Variants in YPEL1 observed in about 807,000 individuals in gnomAD.
YPEL1 encodes the protein yippee like 1, also known as protein yippee-like 1.
A neutral mutation model predicts 17.3 loss-of-function variants in YPEL1; 7 were observed. That is an observed-to-expected ratio of 0.40 (90% CI 0.23 to 0.76). The LOEUF is 0.76. YPEL1 is among the 30% of genes least tolerant of loss of function. The probability of loss-of-function intolerance (pLI) is 0.35; values close to 1 mark genes in which losing one functional copy is unlikely to be tolerated. For missense variants in YPEL1, 91 were observed against 155.5 expected, an observed-to-expected ratio of 0.59 and a Z score of 2.21; for synonymous variants, 59 against 59.6, an observed-to-expected ratio of 0.99 and a Z score of 0.05.
At chr22:21,716,780 C>T (rs891106098) in intron 1 of YPEL1, among the ~76,000 whole-genome samples, 1 of 152,232 alleles carries the variant, frequency 6.6e-6, no homozygotes, top group Admixed American at 6.5e-5. Context: ...AACAATGCCC[C>T]ATGAGCAAGG....
At chr22:21,702,326 C>T (rs1325866281) in intron 4 of YPEL1, among the ~76,000 whole-genome samples, 1 of 152,154 alleles carries the variant, frequency 6.6e-6, no homozygotes, top group Non-Finnish European at 1.5e-5. Context: ...GCTGACTGAC[C>T]AGGGGAAGGG....
At chr22:21,723,945 G>C (rs1017169309) in intron 1 of YPEL1, among the ~76,000 whole-genome samples, 2 of 152,158 alleles carry the variant, frequency 1.3e-5, no homozygotes, top group African/African-American at 2.4e-5. Flanking sequence ...GGGATTACAG[G>C]TGTGAGCCAC....
chr22:21,723,484 C>T (rs1178122411), intron 1 of YPEL1, among the ~76,000 whole-genome samples: 1 of 152,148 alleles, frequency 6.6e-6, no homozygotes, highest in Non-Finnish European at 1.5e-5. Flanking sequence ...TCTCCTGCCT[C>T]AGCCTCCAGA....
In YPEL1 at chr22:21,709,196, C is replaced by CCCT. The variant is rs564465139; in HGVS notation, c.117+1429_117+1431dup. Among the ~76,000 whole-genome samples, 205 of 152,280 alleles carry CCCT rather than the reference C, an allele frequency of 1.3e-3. 1 individual carries two copies. In the South Asian group the frequency reaches 0.015, roughly 11 times the overall value. On this transcript the variant is annotated intron_variant, in intron 2 of 4. Coordinates refer to ENST00000339468, the MANE Select transcript of YPEL1 (RefSeq NM_013313.5). ...TCCACAAGGCCACAAGCTTCACTGC[C>CCCT]CCTACCCAGGGGCCCAGAGCAGCTC...
rs1031815826 is a variant in YPEL1, at chr22:21,732,177, C to T, written c.-165+3438G>A. On this transcript the variant is annotated intron_variant, in intron 1 of 4. Coordinates refer to ENST00000339468, the MANE Select transcript of YPEL1 (RefSeq NM_013313.5). ...GGTGTAACGTCCTGGCATTTGCTGGCGGAATCGATTTCACCCTCTTGACTT... is the reference window on the plus strand; with the variant it reads ...GGTGTAACGTCCTGGCATTTGCTGGTGGAATCGATTTCACCCTCTTGACTT... Among the ~76,000 whole-genome samples, 7 of 152,176 alleles carry T rather than the reference C, an allele frequency of 4.6e-5. No homozygotes were observed. The East Asian group carries it at 5.8e-4, about 13-fold the overall frequency.
chr22:21,730,896 C>T (rs879599253), intron 1 of YPEL1, among the ~76,000 whole-genome samples: 2 of 152,246 alleles, frequency 1.3e-5, no homozygotes, highest in Non-Finnish European at 2.9e-5. Context: ...CTCTCTCCTC[C>T]ATCTCTCCTC....
At chr22:21,701,254 G>A (rs762495003) in intron 4 of YPEL1, 36 bp from the exon 5 acceptor site, 19 of 1,557,386 alleles carry the variant, frequency 1.2e-5, no homozygotes, top group Non-Finnish European at 1.6e-5. Flanking sequence ...CAGGACAGAA[G>A]GTTTCACTTT....
intron 1 of YPEL1, among the ~76,000 whole-genome samples, 178 bp downstream of exon 1, chr22:21,735,437 C>T (rs941231880): frequency 6.6e-6 from 1 of 152,158 alleles, no homozygotes; most frequent in African/African-American, 2.4e-5. Flanking sequence ...GGAGTGAGCC[C>T]AATATCAACA....
At chr22:21,731,914 C>A (rs143928269) in intron 1 of YPEL1, among the ~76,000 whole-genome samples, 2 of 152,182 alleles carry the variant, frequency 1.3e-5, no homozygotes, top group South Asian at 4.1e-4. Context: ...CAGGGCCTTA[C>A]GGCAGGAGCA....
intron 1 of YPEL1, among the ~76,000 whole-genome samples, chr22:21,720,991 A>C (rs1256920684): frequency 6.6e-6 from 1 of 150,664 alleles, no homozygotes; most frequent in African/African-American, 2.4e-5. Flanking sequence ...TTGTATTTTT[A>C]GTAGAGATGG....
intron 2 of YPEL1, among the ~76,000 whole-genome samples, chr22:21,707,395 C>T (rs1036914299): frequency 6.6e-6 from 1 of 152,094 alleles, no homozygotes; most frequent in African/African-American, 2.4e-5. Flanking sequence ...CTAGCCTGGG[C>T]GACAAAGCAA....
At chr22:21,724,730 GCCA>G (rs2068317163) in intron 1 of YPEL1, among the ~76,000 whole-genome samples, 2 of 150,084 alleles carry the variant, frequency 1.3e-5, no homozygotes, top group Non-Finnish European at 3.0e-5. Flanking sequence ...ACAGGTGTGC[GCCA>G]CCACACTTGG....
chr22:21,702,475 A>T (rs1404882314), intron 4 of YPEL1, among the ~76,000 whole-genome samples: 1 of 152,064 alleles, frequency 6.6e-6, no homozygotes, highest in African/African-American at 2.4e-5. Context: ...GACCCGAAGA[A>T]CACCAGAGCC....
chr22:21,733,202 G>A (rs933153183), intron 1 of YPEL1, among the ~76,000 whole-genome samples: 5 of 152,132 alleles, frequency 3.3e-5, no homozygotes, highest in South Asian at 2.1e-4. Context: ...CAGATCATCT[G>A]AGGTCAAGAG....
intron 1 of YPEL1, among the ~76,000 whole-genome samples, chr22:21,731,464 CTACTT>C (rs950393159): frequency 6.7e-6 from 1 of 149,780 alleles, no homozygotes; most frequent in Non-Finnish European, 1.5e-5. Flanking sequence ...ATCTTAAAAA[CTACTT>C]TATTTACCCT....
Position 21,703,609 on chromosome 22 carries a change from G to T in YPEL1, c.162-131C>A. On this transcript the variant is annotated intron_variant, in intron 3 of 4. Coordinates refer to ENST00000339468, the MANE Select transcript of YPEL1 (RefSeq NM_013313.5). The surrounding 1 kb of genome is among the most constrained non-coding windows in gnomAD (Gnocchi z 6.1). ...AGGGAAACTCCCAGAGAGCAGTGCCGTGCCTCTCCCCCAGCCCTGCCCGCC... is the reference window on the plus strand; with the variant it reads ...AGGGAAACTCCCAGAGAGCAGTGCCTTGCCTCTCCCCCAGCCCTGCCCGCC... 2 of 884,026 alleles carry T rather than the reference G, an allele frequency of 2.3e-6. No homozygotes were observed. Among genetic ancestry groups the T allele is most frequent in the East Asian group, 2.6e-5 (1 of 38,080 alleles). The allele number at this position is 884,026 out of a possible 1,614,324, so 54.8% of individuals were successfully genotyped here.
In YPEL1 at chr22:21,703,843, A is replaced by C. The variant is rs1423092123; in HGVS notation, c.157T>G (p.Ser53Ala). The change falls in exon 3 of 5, where the codon TCC becomes GCC. Residue 53 changes from serine to alanine, a missense_variant. Coordinates refer to ENST00000339468, the MANE Select transcript of YPEL1 (RefSeq NM_013313.5). This position sits in a 1 kb window ranked among gnomAD's most constrained non-coding sequence, Gnocchi z 6.1. The part of the protein sequence containing the change: ...GSQGRAYLFN[S>A]VVNVGCGPAE... ...GGGCTGAACCAGGGTACTCACACGGAATTGAAGAGGTAGGCGCGTCCCTGG... is the reference window on the plus strand; with the variant it reads ...GGGCTGAACCAGGGTACTCACACGGCATTGAAGAGGTAGGCGCGTCCCTGG... The C allele has an allele frequency of 7.5e-6, 12 of 1,609,548 alleles. No individual in the cohort carries two copies. In the Admixed American group the frequency reaches 1.7e-4, roughly 23 times the overall value.
chr22:21,698,628 T>C lies in YPEL1; in HGVS notation c.*2501A>G, dbSNP rs2068027654. ...AAGGGAAGGGTCAGTTTAAGATAAG[T>C]TTTCAGTGAACTCCTTCTTCCACCC... On this transcript the variant is annotated 3_prime_UTR_variant, in exon 5 of 5. Coordinates refer to ENST00000339468, the MANE Select transcript of YPEL1 (RefSeq NM_013313.5). 6.6e-6 allele frequency: 1 copy of C among 152,336 alleles called. No homozygotes were observed. Among genetic ancestry groups the C allele is most frequent in the African/African-American group, 2.4e-5 (1 of 41,436 alleles). 9.4% of individuals were successfully genotyped at this position (152,336 alleles called of 1,614,324 possible).
chr22:21,708,440 A>G (rs2068134288), intron 2 of YPEL1, among the ~76,000 whole-genome samples: 1 of 148,644 alleles, frequency 6.7e-6, no homozygotes, highest in Non-Finnish European at 1.5e-5. Flanking sequence ...GGTTGAAGCA[A>G]TTCTCATGTC....
Sources: allele counts gnomAD v4.1 joint callset (sites outside exome capture counted in the v4.1 genomes callset), GRCh38; gene constraint gnomAD v4.1.1; non-coding constraint Gnocchi (gnomAD v3.1); transcripts MANE v1.5; gene names NCBI Gene and HGNC (gene_info 2026-07-23, HGNC 2026-07-21).